The following PIGL variants were observed in gnomAD, a reference collection of about 807,000 sequenced individuals.
PIGL encodes N-acetylglucosaminyl-phosphatidylinositol de-N-acetylase.
In PIGL, 22 loss-of-function variants were observed where a neutral mutation model predicts 31.1. That is an observed-to-expected ratio of 0.71 (90% CI 0.51 to 1.01). The LOEUF is 1.01. Ranked by LOEUF, PIGL falls within the 50% of genes least tolerant of loss-of-function variation. PIGL has a pLI of 0.00. For missense variants in PIGL, 302 were observed against 315.9 expected (o/e 0.96, Z 0.33); for synonymous variants, 131 against 117.4 (o/e 1.12, Z -0.75).
chr17:16,266,754 C>T (rs2092845252), intron 2 of PIGL, among the ~76,000 whole-genome samples: 2 of 151,974 alleles, frequency 1.3e-5, no homozygotes, highest in Non-Finnish European at 2.9e-5. Context: ...CGCCACCATG[C>T]CCAGCTAATT....
intron 1 of PIGL, among the ~76,000 whole-genome samples, chr17:16,224,214 T>A (rs2092641689): frequency 6.6e-6 from 1 of 152,144 alleles, no homozygotes; most frequent in African/African-American, 2.4e-5. Context: ...AGAGCAAGAC[T>A]CCGTCTCAGG....
intron 1 of PIGL, among the ~76,000 whole-genome samples, chr17:16,230,268 A>T (rs2092672966): frequency 6.6e-6 from 1 of 152,072 alleles, no homozygotes; most frequent in Admixed American, 6.6e-5. Flanking sequence ...GGCTCCAGTA[A>T]CACTGCCTCC....
intron 1 of PIGL, among the ~76,000 whole-genome samples, chr17:16,228,455 G>A (rs1464882468): frequency 6.6e-6 from 1 of 151,974 alleles, no homozygotes. Flanking sequence ...CGCGATGTAC[G>A]CTCACTGCAA....
chr17:16,302,417 C>T (rs1043459360), intron 3 of PIGL, among the ~76,000 whole-genome samples: 2 of 152,024 alleles, frequency 1.3e-5, no homozygotes, highest in African/African-American at 2.4e-5. Flanking sequence ...TCCACAGCCT[C>T]GATATGTAGA....
intron 3 of PIGL, among the ~76,000 whole-genome samples, chr17:16,301,696 C>CA (rs2093005548): frequency 6.6e-6 from 1 of 151,586 alleles, no homozygotes; most frequent in Non-Finnish European, 1.5e-5. Context: ...CTCAGCCTCC[C>CA]AAGTAGCTGG....
At chr17:16,221,925 T>G (rs1184396798) in intron 1 of PIGL, among the ~76,000 whole-genome samples, 2 of 152,110 alleles carry the variant, frequency 1.3e-5, no homozygotes, top group Non-Finnish European at 2.9e-5. Context: ...GGCCAATTTT[T>G]GCATTTTTAA....
At chr17:16,243,281 C>T (rs1056136001) in intron 2 of PIGL, among the ~76,000 whole-genome samples, 1 of 152,120 alleles carries the variant, frequency 6.6e-6, no homozygotes, top group Non-Finnish European at 1.5e-5. Flanking sequence ...AACTGCTGAC[C>T]TCAGGGGATC....
chr17:16,237,588 C>A (rs2142690605), intron 2 of PIGL, among the ~76,000 whole-genome samples: 1 of 151,462 alleles, frequency 6.6e-6, no homozygotes, highest in South Asian at 2.1e-4. Flanking sequence ...ATCGCTTGAG[C>A]CTAGGAATTT....
At position 16,237,762 on chromosome 17, in the gene PIGL, T is replaced by A. The variant is rs573390336; in HGVS notation, c.335+3692T>A. The stretch of plus-strand genomic sequence containing the variant: ...TGCAGTGAGCCAAGATCATGCCCAC[T>A]GAACTCCAGCCCGGATAACAGAGTG... On this transcript the variant is annotated intron_variant, in intron 2 of 6. Coordinates refer to ENST00000225609, the MANE Select transcript of PIGL (RefSeq NM_004278.4). Among the ~76,000 whole-genome samples the A allele has an allele frequency of 4.5e-5, 6 of 132,650 alleles. No homozygotes were observed. In the East Asian group the frequency reaches 1.3e-3, roughly 28 times the overall value. 87.0% of individuals were successfully genotyped at this position (132,650 alleles called of 152,430 possible). A position where few individuals can be genotyped will look rare whatever the true frequency, so the allele number is the denominator to read the frequency against.
intron 2 of PIGL, among the ~76,000 whole-genome samples, chr17:16,299,363 G>A (rs1432096164): frequency 6.6e-6 from 1 of 151,910 alleles, no homozygotes; most frequent in Non-Finnish European, 1.5e-5. Flanking sequence ...GCTGAGGCAG[G>A]AACCCCGGAG....
At chr17:16,222,741 G>A (rs1044042598) in intron 1 of PIGL, among the ~76,000 whole-genome samples, 3 of 151,208 alleles carry the variant, frequency 2.0e-5, no homozygotes, top group Non-Finnish European at 4.4e-5. Context: ...GCCAGGCACA[G>A]TAGCTTACAC....
intron 3 of PIGL, among the ~76,000 whole-genome samples, chr17:16,307,656 T>G (rs756149095): frequency 6.6e-6 from 1 of 152,142 alleles, no homozygotes; most frequent in Non-Finnish European, 1.5e-5. Context: ...TTATTACAGC[T>G]ATTACCACAA....
chr17:16,248,474 C>T (rs1374053515), intron 2 of PIGL, among the ~76,000 whole-genome samples: 1 of 152,112 alleles, frequency 6.6e-6, no homozygotes, highest in East Asian at 1.9e-4. Context: ...CTCCATTTTC[C>T]AATGTCTTAT....
At chr17:16,254,106 C>T (rs1021326878) in intron 2 of PIGL, among the ~76,000 whole-genome samples, 2 of 152,138 alleles carry the variant, frequency 1.3e-5, no homozygotes, top group African/African-American at 2.4e-5. Context: ...CATTTTCCAA[C>T]GCCCTTCATC....
chr17:16,313,761 GCT>G (rs2093064778), intron 4 of PIGL, 147 bp downstream of exon 4: 2 of 676,182 alleles, frequency 3.0e-6, no homozygotes, highest in Admixed American at 4.6e-5. Flanking sequence ...TGGCCATGTT[GCT>G]CACTGCATCT....
At position 16,296,523 on chromosome 17, in the gene PIGL, T is replaced by C. The variant is rs376868240; in HGVS notation, c.336-3365T>C. 8.6e-4 allele frequency among the ~76,000 whole-genome samples: 128 copies of C among 149,664 alleles called. 3 individuals are homozygous for C. Among genetic ancestry groups the C allele is most frequent in the African/African-American group, 3.1e-3 (124 of 40,612 alleles). ...TACTGGGGAGGCTGAGGCAGGAGAA[T>C]CCCTTGAACCTGGGAGGCGGAGGTT... On this transcript the variant is annotated intron_variant, in intron 2 of 6. Coordinates refer to ENST00000225609, the MANE Select transcript of PIGL (RefSeq NM_004278.4).
Position 16,259,541 on chromosome 17 carries a change from A to T in PIGL, c.335+25471A>T, listed in dbSNP as rs368521226. Among the ~76,000 whole-genome samples the T allele has an allele frequency of 7.2e-5, 11 of 152,296 alleles. No homozygotes were observed. In the East Asian group the frequency reaches 7.7e-4, roughly 11 times the overall value. Reference sequence around the variant, plus strand: ...AACAAAAAGAAAGAAAGAAAAAAGAATGAAGCTGGACTCCTCCCTCACACC... The same window carrying T: ...AACAAAAAGAAAGAAAGAAAAAAGATTGAAGCTGGACTCCTCCCTCACACC... On this transcript the variant is annotated intron_variant, in intron 2 of 6. Transcript: ENST00000225609.
rs368614808 is a variant in PIGL at position 16,276,376 on chromosome 17, G to T, written c.336-23512G>T. ...TCTAAGTAGCAGCCAGAGATCACTG[G>T]TTGGTTCTCAGGAATAAGCAGTCAG... On this transcript the variant is annotated intron_variant, in intron 2 of 6. Coordinates refer to ENST00000225609, the MANE Select transcript of PIGL (RefSeq NM_004278.4). Among the ~76,000 whole-genome samples, 29 of 152,256 alleles carry T rather than the reference G, an allele frequency of 1.9e-4. No individual in the cohort carries two copies. The East Asian group carries it at 4.4e-3, about 23-fold the overall frequency.
chr17:16,266,818 C>T (rs191954369), intron 2 of PIGL, among the ~76,000 whole-genome samples: 5 of 151,140 alleles, frequency 3.3e-5, no homozygotes, highest in African/African-American at 4.9e-5. Flanking sequence ...AGGATGGTCT[C>T]GATCTCCTGA....
Sources: gnomAD v4.1 joint callset for allele counts (sites outside exome capture counted in the v4.1 genomes callset) on GRCh38, gnomAD v4.1.1 for gene constraint, MANE v1.5 for transcripts, NCBI Gene and HGNC (gene_info 2026-07-23, HGNC 2026-07-21) for gene names.